MAP6: variants seen among roughly 807,000 people sequenced by gnomAD.
MAP6 encodes microtubule-associated protein 6.
A neutral mutation model predicts 42.4 loss-of-function variants in MAP6; 26 were observed. That is an observed-to-expected ratio of 0.61 (90% CI 0.45 to 0.85). The LOEUF is 0.85. Among genes scored for constraint, MAP6 ranks in the 40% least tolerant of loss-of-function variants. The probability of loss-of-function intolerance (pLI) is 0.00; values close to 1 mark genes in which losing one functional copy is unlikely to be tolerated. For missense variants in MAP6, 966 were observed against 1,099.0 expected, an observed-to-expected ratio of 0.88 and a Z score of 1.71; for synonymous variants, 418 against 443.8, an observed-to-expected ratio of 0.94 and a Z score of 0.73.
chr11:75,630,235 CTT>C (rs776584864), intron 1 of MAP6, among the ~76,000 whole-genome samples: 17 of 152,286 alleles, frequency 1.1e-4, no homozygotes, highest in Admixed American at 7.8e-4. Context: ...CTGGTGAACT[CTT>C]GTGTCTTTGT....
At chr11:75,646,400 G>A (rs963710484) in intron 1 of MAP6, among the ~76,000 whole-genome samples, 4 of 150,036 alleles carry the variant, frequency 2.7e-5, no homozygotes, top group South Asian at 4.2e-4. Flanking sequence ...GGTGGTTCAC[G>A]CCTGTAATCC....
At position 75,668,030 on chromosome 11, in the gene MAP6, A is replaced by C; in HGVS notation, c.340T>G (p.Ser114Ala). The part of the protein sequence containing the change: ...PGPGLGSGST[S>A]GPADSVMRQD... Reference sequence around the variant, plus strand: ...CGCATCACCGAGTCCGCGGGGCCGGAGGTGGAGCCGGAGCCCAGGCCCGGG... The same window carrying C: ...CGCATCACCGAGTCCGCGGGGCCGGCGGTGGAGCCGGAGCCCAGGCCCGGG... The change falls in exon 1 of 4, where the codon TCC (serine) becomes GCC (alanine). Residue 114 changes from serine to alanine, a missense_variant. Coordinates refer to ENST00000304771, the MANE Select transcript of MAP6 (RefSeq NM_033063.2). 2.4e-6 allele frequency: 3 copies of C among 1,230,986 alleles called. No individual in the cohort carries two copies. Among genetic ancestry groups the C allele is most frequent in the Non-Finnish European group, 2.0e-6 (2 of 987,496 alleles). The allele number at this position is 1,230,986 out of a possible 1,614,324, so 76.3% of individuals were successfully genotyped here. A position where few individuals can be genotyped will look rare whatever the true frequency, so the allele number is the denominator to read the frequency against.
Position 75,608,112 on chromosome 11 carries a change from T to C in MAP6, c.1116A>G (p.Pro372=). Residue 372 remains proline (P), a synonymous_variant, in exon 2 of 4, where the codon CCA becomes CCG. Transcript: ENST00000304771. ...GTTCCCACAAGGTCTGTCTCACCTT[T>C]GGGGGTTCCTTGAAGGGTTCGCTGT... ...SLYSEPFKEP[P]KVEKPSVQSS... 6.2e-7 allele frequency: 1 copy of C among 1,613,624 alleles called. No individual in the cohort carries two copies. The highest frequency in any genetic ancestry group is 8.5e-7 in the Non-Finnish European group (1 of 1,179,988).
intron 3 of MAP6, among the ~76,000 whole-genome samples, chr11:75,597,730 T>C (rs1590754705): frequency 6.6e-6 from 1 of 152,296 alleles, no homozygotes; most frequent in East Asian, 1.9e-4. Context: ...GAATGTGGAA[T>C]TGCAGAGATG....
chr11:75,659,882 A>G (rs1223495438), intron 1 of MAP6, among the ~76,000 whole-genome samples: 2 of 152,246 alleles, frequency 1.3e-5, no homozygotes, highest in East Asian at 1.9e-4. Context: ...TGAAGTTCAT[A>G]TATGCATTAG....
intron 1 of MAP6, chr11:75,638,533 C>T (rs908414007): frequency 2.6e-5 from 4 of 152,148 alleles, no homozygotes; most frequent in Admixed American, 6.5e-5. Context: ...ATTAATGTCA[C>T]GCTCCAGGGT....
At chr11:75,622,807 G>A (rs1206222646) in intron 1 of MAP6, among the ~76,000 whole-genome samples, 1 of 152,232 alleles carries the variant, frequency 6.6e-6, no homozygotes, top group African/African-American at 2.4e-5. Flanking sequence ...GGAATAGAGT[G>A]TTCAGAAATA....
intron 1 of MAP6, among the ~76,000 whole-genome samples, chr11:75,648,051 A>G (rs1465513809): frequency 6.6e-6 from 1 of 152,260 alleles, no homozygotes; most frequent in Non-Finnish European, 1.5e-5. Context: ...AATCAAGGAA[A>G]AAAGAATTAC....
chr11:75,605,388 T>C, intron 3 of MAP6: 2 of 988,928 alleles, frequency 2.0e-6, no homozygotes, highest in Non-Finnish European at 2.4e-6. Context: ...CTCTGAATTT[T>C]TGAAAAGAAC....
At chr11:75,637,808 AGAGG>A (rs1176549409) in intron 1 of MAP6, among the ~76,000 whole-genome samples, 35 of 127,232 alleles carry the variant, frequency 2.8e-4, no homozygotes, top group African/African-American at 5.5e-4. Context: ...AGAAAGGGAG[AGAGG>A]GAGGGAGGGA....
At chr11:75,662,962 CTTT>C (rs35877922) in intron 1 of MAP6, among the ~76,000 whole-genome samples, 10 of 133,136 alleles carry the variant, frequency 7.5e-5, no homozygotes, top group African/African-American at 8.6e-5. Flanking sequence ...AGGATTTGTA[CTTT>C]TTTTTTTTTT....
chr11:75,661,529 A>C (rs1943845435), intron 1 of MAP6, among the ~76,000 whole-genome samples: 1 of 152,126 alleles, frequency 6.6e-6, no homozygotes, highest in African/African-American at 2.4e-5. Flanking sequence ...AAGATGGTTC[A>C]ATATGAGAAA....
At chr11:75,608,855 T>A (rs536606813) in intron 1 of MAP6, among the ~76,000 whole-genome samples, 11 of 152,364 alleles carry the variant, frequency 7.2e-5, no homozygotes, top group African/African-American at 2.6e-4. Context: ...CCCATTTGAA[T>A]AGCAGAGGGC....
At chr11:75,605,302 T>C in intron 3 of MAP6, 2 of 986,072 alleles carry the variant, frequency 2.0e-6, no homozygotes, top group Non-Finnish European at 2.4e-6. Context: ...TCTTTTTTTG[T>C]TATTTTTGTT....
intron 1 of MAP6, among the ~76,000 whole-genome samples, chr11:75,631,146 C>T (rs967638119): frequency 1.3e-5 from 2 of 152,150 alleles, no homozygotes; most frequent in African/African-American, 2.4e-5. Flanking sequence ...ATTCAAATTA[C>T]CTTAAAGAGG....
At chr11:75,613,069 G>C (rs1942930617) in intron 1 of MAP6, among the ~76,000 whole-genome samples, 1 of 152,210 alleles carries the variant, frequency 6.6e-6, no homozygotes, top group Non-Finnish European at 1.5e-5. Context: ...GGTCAAGCTA[G>C]GCTAGGACTC....
At chr11:75,593,288 G>A (rs1219295672) in intron 3 of MAP6, among the ~76,000 whole-genome samples, 2 of 152,240 alleles carry the variant, frequency 1.3e-5, no homozygotes, top group African/African-American at 4.8e-5. Flanking sequence ...ACAACAGACT[G>A]TTCTGTGCCA....
chr11:75,666,916 TG>T (rs1447178884), intron 1 of MAP6, among the ~76,000 whole-genome samples: 2 of 151,396 alleles, frequency 1.3e-5, no homozygotes, highest in East Asian at 3.9e-4. Context: ...CGGTGGAAGG[TG>T]GGGGGTAATT....
chr11:75,616,751 G>A (rs1943000654), intron 1 of MAP6, among the ~76,000 whole-genome samples: 1 of 152,186 alleles, frequency 6.6e-6, no homozygotes, highest in African/African-American at 2.4e-5. Flanking sequence ...ACATGCTTGT[G>A]CGCAGCTCTC....
Sources: allele counts gnomAD v4.1 joint callset (sites outside exome capture counted in the v4.1 genomes callset), GRCh38; gene constraint gnomAD v4.1.1; transcripts MANE v1.5; gene names NCBI Gene and HGNC (gene_info 2026-07-23, HGNC 2026-07-21).